Variants in RBFOX1 observed in about 807,000 individuals in gnomAD.
The protein encoded by RBFOX1 is RNA binding fox-1 homolog 1, also known as RNA binding protein fox-1 homolog 1.
In RBFOX1, 8 loss-of-function variants were observed where a neutral mutation model predicts 57.7. The observed-to-expected ratio is 0.14, with a 90% confidence interval of 0.08 to 0.25. The LOEUF is 0.25. RBFOX1 is among the 10% of genes least tolerant of loss of function. The pLI, the probability that RBFOX1 is intolerant of heterozygous loss-of-function variation, is 1.00. For missense variants in RBFOX1, 611 were observed against 548.5 expected (o/e 1.11, Z -1.14); for synonymous variants, 326 against 222.4 (o/e 1.47, Z -4.15).
chr16:5,573,678 C>T (rs1044294733), intron 2 of RBFOX1, among the ~76,000 whole-genome samples: 1 of 152,148 alleles, frequency 6.6e-6, no homozygotes, highest in Non-Finnish European at 1.5e-5. Context: ...AAGAAACAGA[C>T]CGGCTGGACG....
At chr16:7,208,211 A>G (rs1367182220) in intron 4 of RBFOX1, among the ~76,000 whole-genome samples, 1 of 152,176 alleles carries the variant, frequency 6.6e-6, no homozygotes, top group Admixed American at 6.5e-5. Flanking sequence ...GTCACCATCT[A>G]TAATCGGCCA....
At chr16:5,927,993 A>T (rs1166003303) in intron 4 of RBFOX1, among the ~76,000 whole-genome samples, 1 of 152,248 alleles carries the variant, frequency 6.6e-6, no homozygotes, top group Non-Finnish European at 1.5e-5. Context: ...TTGGTTAGAC[A>T]AGAGGAATGT....
chr16:7,121,666 TA>T (rs1333681976), intron 4 of RBFOX1, among the ~76,000 whole-genome samples: 1 of 152,032 alleles, frequency 6.6e-6, no homozygotes, highest in Non-Finnish European at 1.5e-5. Flanking sequence ...ATCAAAATTC[TA>T]GCAGGTATTT....
chr16:5,765,289 A>G (rs1379312341), intron 3 of RBFOX1, among the ~76,000 whole-genome samples: 2 of 152,208 alleles, frequency 1.3e-5, no homozygotes, highest in African/African-American at 4.8e-5. Context: ...CCCCCAGTCT[A>G]AGACAACACT....
intron 9 of RBFOX1, among the ~76,000 whole-genome samples, chr16:7,599,346 G>A (rs574500599): frequency 6.6e-6 from 1 of 152,354 alleles, no homozygotes; most frequent in East Asian, 1.9e-4. Context: ...TGCTGAGTGA[G>A]AAACTGGAGC....
chr16:7,298,670 A>G (rs998270399), intron 4 of RBFOX1, among the ~76,000 whole-genome samples: 6 of 152,208 alleles, frequency 3.9e-5, no homozygotes, highest in African/African-American at 1.4e-4. Context: ...GTGGATTAAA[A>G]CGTATTTTGT....
At chr16:7,327,738 C>G (rs1377836149) in intron 4 of RBFOX1, among the ~76,000 whole-genome samples, 2 of 152,084 alleles carry the variant, frequency 1.3e-5, no homozygotes, top group Admixed American at 6.5e-5. Flanking sequence ...GCTCAACATG[C>G]CTAGATCTTC....
chr16:7,684,282 A>G (rs1297987516), intron 14 of RBFOX1, among the ~76,000 whole-genome samples: 1 of 152,064 alleles, frequency 6.6e-6, no homozygotes, highest in African/African-American at 2.4e-5. Flanking sequence ...CTCAAAAACT[A>G]TGATGAATTT....
chr16:7,110,456 G>A (rs753049559), intron 4 of RBFOX1, among the ~76,000 whole-genome samples: 8 of 152,130 alleles, frequency 5.3e-5, no homozygotes, highest in Non-Finnish European at 5.9e-5. Context: ...GTGGAGACAA[G>A]ACTTCAGCCA....
At chr16:7,394,717 G>A (rs1053161776) in intron 4 of RBFOX1, among the ~76,000 whole-genome samples, 3 of 152,134 alleles carry the variant, frequency 2.0e-5, no homozygotes, top group African/African-American at 7.2e-5. Flanking sequence ...CCCGGTTGAG[G>A]CATGAATAAC....
chr16:6,635,082 TATATC>T (rs1329578729), intron 2 of RBFOX1, among the ~76,000 whole-genome samples: 1 of 51,414 alleles, frequency 1.9e-5, no homozygotes. Flanking sequence ...TTTTAATTTA[TATATC>T]ATATATATTA....
intron 4 of RBFOX1, among the ~76,000 whole-genome samples, chr16:7,335,641 G>C (rs902689751): frequency 3.4e-5 from 5 of 147,426 alleles, no homozygotes; most frequent in African/African-American, 1.2e-4. Context: ...TGGTGTGCCA[G>C]ACTTTAAGAC....
At chr16:7,480,462 C>T (rs948704872) in intron 4 of RBFOX1, among the ~76,000 whole-genome samples, 38 of 152,166 alleles carry the variant, frequency 2.5e-4, no homozygotes, top group African/African-American at 8.7e-4. Context: ...CATTTGAGAA[C>T]AGTAAATGTG....
rs530344077 is a variant in RBFOX1, at chr16:7,543,515, A to G, written c.270+25126A>G. ...GACTTTCCCATTTTCAGAGGAGACA[A>G]TGGAATCTCAGAGAAGTTGAAATGT... On this transcript the variant is annotated intron_variant, in intron 5 of 15. Transcript: ENST00000550418. Among the ~76,000 whole-genome samples, 249 of 152,288 alleles carry G rather than the reference A, an allele frequency of 1.6e-3. 2 individuals are homozygous for G. Among genetic ancestry groups the G allele is most frequent in the South Asian group, 3.5e-3 (17 of 4,826 alleles).
At chr16:7,397,658 T>C (rs538066564) in intron 4 of RBFOX1, among the ~76,000 whole-genome samples, 4 of 152,302 alleles carry the variant, frequency 2.6e-5, no homozygotes, top group South Asian at 4.1e-4. Context: ...TGATGACACA[T>C]GATTCAGAAG....
chr16:6,921,558 C>T (rs2074441389), intron 3 of RBFOX1, among the ~76,000 whole-genome samples: 2 of 151,916 alleles, frequency 1.3e-5, no homozygotes, highest in Non-Finnish European at 2.9e-5. Flanking sequence ...TAGGTCCTCT[C>T]ATAACATGGC....
At chr16:6,384,379 G>A (rs956036480) in intron 2 of RBFOX1, among the ~76,000 whole-genome samples, 2 of 152,046 alleles carry the variant, frequency 1.3e-5, no homozygotes, top group Non-Finnish European at 2.9e-5. Flanking sequence ...CCCCTGTTTT[G>A]CATTTCAATT....
At position 6,157,511 on chromosome 16, in the gene RBFOX1, C is replaced by G. The variant is rs181728859; in HGVS notation, c.-127+137519C>G. Among the ~76,000 whole-genome samples, 12 of 152,240 alleles carry G rather than the reference C, an allele frequency of 7.9e-5. No homozygotes were observed. In the East Asian group the frequency reaches 2.1e-3, roughly 27 times the overall value. Reference sequence around the variant, plus strand: ...ATTTTTATTTGCTAACTGTGGTAATCCTATTCTGCCAGGACTACATGCTTT... The same window carrying G: ...ATTTTTATTTGCTAACTGTGGTAATGCTATTCTGCCAGGACTACATGCTTT... On this transcript the variant is annotated intron_variant, in intron 1 of 15. Coordinates refer to ENST00000550418, the MANE Select transcript of RBFOX1 (RefSeq NM_018723.4).
chr16:7,304,634 G>C (rs977132304), intron 4 of RBFOX1: 10 of 966,086 alleles, frequency 1.0e-5, no homozygotes, highest in Non-Finnish European at 1.1e-5. Flanking sequence ...GAAGCCTCCT[G>C]CTCTCTGTGG....
Sources: gnomAD v4.1 joint callset for allele counts (sites outside exome capture counted in the v4.1 genomes callset) on GRCh38, gnomAD v4.1.1 for gene constraint, MANE v1.5 for transcripts, NCBI Gene and HGNC (gene_info 2026-07-23, HGNC 2026-07-21) for gene names.